SEC63: variants seen among roughly 807,000 people sequenced by gnomAD.
SEC63 encodes the protein SEC63 protein translocation regulator.
Under a neutral mutation model 116.2 loss-of-function variants are expected in SEC63, and 56 were observed. The ratio of observed to expected loss-of-function variants is 0.48; its 90% CI spans 0.39 to 0.60. The LOEUF is 0.60. Ranked by LOEUF, SEC63 falls within the 20% of genes least tolerant of loss-of-function variation. SEC63 has a pLI of 0.00. For synonymous variants in SEC63, 273 were observed against 294.6 expected (o/e 0.93, Z 0.75); for missense variants, 668 against 900.0 (o/e 0.74, Z 3.30).
At chr6:107,913,087 T>C (rs996891754) in intron 5 of SEC63, among the ~76,000 whole-genome samples, 5 of 152,154 alleles carry the variant, frequency 3.3e-5, no homozygotes, top group Admixed American at 6.5e-5. Context: ...AAATGTGAAG[T>C]CTGTAAAGAA....
At chr6:107,942,320 A>G (rs1214708943) in intron 1 of SEC63, among the ~76,000 whole-genome samples, 1 of 152,222 alleles carries the variant, frequency 6.6e-6, no homozygotes, top group Non-Finnish European at 1.5e-5. Context: ...AGCAGCCAGT[A>G]TTAAAGCCGA....
chr6:107,953,840 G>A (rs1252749253), intron 1 of SEC63, among the ~76,000 whole-genome samples: 2 of 142,970 alleles, frequency 1.4e-5, no homozygotes. Context: ...CCGGGAGGGA[G>A]GTGGGGGGGT....
chr6:107,901,256 G>T, intron 13 of SEC63, 114 bp downstream of exon 13: 2 of 1,055,452 alleles, frequency 1.9e-6, no homozygotes, highest in Non-Finnish European at 2.9e-6. Flanking sequence ...GTTCTGCAAA[G>T]TCTAATAACA....
At chr6:107,912,923 C>T (rs560139379) in intron 5 of SEC63, 149 bp from the exon 6 acceptor site, 10 of 689,116 alleles carry the variant, frequency 1.5e-5, no homozygotes, top group Non-Finnish European at 2.6e-5. Context: ...ATTAGTAGGC[C>T]CCCATTACAC....
intron 3 of SEC63, 73 bp downstream of exon 3, chr6:107,924,745 T>A (rs1212511066): frequency 1.3e-6 from 1 of 771,662 alleles, no homozygotes; most frequent in Non-Finnish European, 2.3e-6. Flanking sequence ...AGACAATTTC[T>A]TTTAGAATGA....
intron 1 of SEC63, among the ~76,000 whole-genome samples, chr6:107,937,220 T>A (rs1380350189): frequency 6.6e-6 from 1 of 151,208 alleles, no homozygotes; most frequent in East Asian, 1.9e-4. Flanking sequence ...CCTCCCGGGT[T>A]CAAGTGATTC....
At chr6:107,948,049 T>G (rs1770511224) in intron 1 of SEC63, among the ~76,000 whole-genome samples, 2 of 152,210 alleles carry the variant, frequency 1.3e-5, no homozygotes, top group Non-Finnish European at 2.9e-5. Flanking sequence ...AACACCTCCA[T>G]GCTTTTGCAT....
rs951878734 is a variant in SEC63, at chr6:107,869,696, T to C, written c.*2008A>G. On this transcript the variant is annotated 3_prime_UTR_variant, in exon 21 of 21. Transcript: ENST00000369002. ...GCACTCACTAGAGGAAATTTTATTT[T>C]ACTTAGTTGGGAAGTACATACACAT... 4.6e-5 allele frequency: 7 copies of C among 152,092 alleles called. No homozygotes were observed. The highest frequency in any genetic ancestry group is 1.7e-4 in the African/African-American group (7 of 41,424). 9.4% of individuals were successfully genotyped at this position (152,092 alleles called of 1,614,324 possible).
intron 16 of SEC63, among the ~76,000 whole-genome samples, chr6:107,888,724 T>C (rs1478328204): frequency 6.6e-6 from 1 of 152,174 alleles, no homozygotes; most frequent in African/African-American, 2.4e-5. Flanking sequence ...ATACTGGCTG[T>C]GGGTTTGTCA....
chr6:107,882,187 C>G (rs760578180), intron 17 of SEC63, among the ~76,000 whole-genome samples: 1 of 152,140 alleles, frequency 6.6e-6, no homozygotes, highest in Non-Finnish European at 1.5e-5. Flanking sequence ...TATCCTTTGC[C>G]CTTTACCTCT....
chr6:107,945,952 T>C (rs1252110129), intron 1 of SEC63, among the ~76,000 whole-genome samples: 1 of 151,994 alleles, frequency 6.6e-6, no homozygotes, highest in South Asian at 2.1e-4. Context: ...TTATTTATTT[T>C]TTGAGACGGA....
At chr6:107,955,731 C>T (rs544279594) in intron 1 of SEC63, among the ~76,000 whole-genome samples, 3 of 151,886 alleles carry the variant, frequency 2.0e-5, no homozygotes, top group Admixed American at 6.6e-5. Context: ...ACTAAAAACA[C>T]GAAAATAAGC....
chr6:107,881,345 A>G, intron 17 of SEC63, 95 bp from the exon 18 acceptor site: 1 of 820,548 alleles, frequency 1.2e-6, no homozygotes, highest in Non-Finnish European at 2.0e-6. Flanking sequence ...CTAATTAACT[A>G]CTTAGGATTA....
rs1328847427 is a variant in SEC63, at chr6:107,924,888, G to C, written c.269C>G (p.Ala90Gly). 6.2e-7 allele frequency: 1 copy of C among 1,605,344 alleles called. No individual in the cohort carries two copies. Among genetic ancestry groups the C allele is most frequent in the Admixed American group, 1.7e-5 (1 of 59,994 alleles). Residue 90 changes from alanine to glycine, a missense_variant, in exon 3 of 21, where the codon GCA becomes GGA. Transcript: ENST00000369002. ...LAGWALFLFLAYKVSKTDREY... is the reference protein window; with the variant it reads ...LAGWALFLFLGYKVSKTDREY... The stretch of plus-strand genomic sequence containing the variant: ...TCGGTCTGTTTTGGAAACTTTATAT[G>C]CAAGGAATAAGAACAATGCCCATCC...
intron 13 of SEC63, among the ~76,000 whole-genome samples, chr6:107,898,487 T>C (rs1402911268): frequency 6.6e-6 from 1 of 152,084 alleles, no homozygotes; most frequent in East Asian, 1.9e-4. Flanking sequence ...TCAATGTCTG[T>C]CTGAAAAAAA....
chr6:107,874,123 T>A (rs889393645), intron 19 of SEC63, among the ~76,000 whole-genome samples: 1 of 152,056 alleles, frequency 6.6e-6, no homozygotes, highest in Admixed American at 6.5e-5. Context: ...ATCACCAACA[T>A]AGGGCAAAGT....
intron 1 of SEC63, among the ~76,000 whole-genome samples, chr6:107,956,353 G>C (rs1219181408): frequency 6.6e-6 from 1 of 152,078 alleles, no homozygotes; most frequent in Non-Finnish European, 1.5e-5. Context: ...CTTTTAACTT[G>C]AAATACAACA....
intron 10 of SEC63, among the ~76,000 whole-genome samples, chr6:107,906,093 T>G (rs1000806364): frequency 6.6e-6 from 1 of 152,134 alleles, no homozygotes; most frequent in Non-Finnish European, 1.5e-5. Context: ...GAGTTCTCCC[T>G]TTGGTGCTGT....
rs184537456 is a variant in SEC63, at chr6:107,903,270, C to T, written c.1055-272G>A. ...AAATTATCAGACATTATCAGTATCA[C>T]CAACATATGACACCATGACAAGAAC... On this transcript the variant is annotated intron_variant, in intron 11 of 20. Transcript: ENST00000369002. 1.9e-3 allele frequency among the ~76,000 whole-genome samples: 284 copies of T among 152,220 alleles called. 1 individual carries two copies. The highest frequency in any genetic ancestry group is 6.2e-3 in the African/African-American group (257 of 41,532).
Sources: gnomAD v4.1 joint callset for allele counts (sites outside exome capture counted in the v4.1 genomes callset) on GRCh38, gnomAD v4.1.1 for gene constraint, MANE v1.5 for transcripts, NCBI Gene and HGNC (gene_info 2026-07-23, HGNC 2026-07-21) for gene names.